FAT3: variants seen among roughly 807,000 people sequenced by gnomAD.
The protein encoded by FAT3 is FAT atypical cadherin 3.
A neutral mutation model predicts 310.2 loss-of-function variants in FAT3; 95 were observed. The ratio of observed to expected loss-of-function variants is 0.31; its 90% CI spans 0.26 to 0.36. FAT3 has a LOEUF of 0.36. FAT3 is among the 10% of genes least tolerant of loss of function. The probability of loss-of-function intolerance (pLI) is 1.00; values close to 1 mark genes in which losing one functional copy is unlikely to be tolerated. For synonymous variants in FAT3, 2,314 were observed against 2,192.9 expected, an observed-to-expected ratio of 1.06 and a Z score of -1.54; for missense variants, 5,408 against 5,715.6, an observed-to-expected ratio of 0.95 and a Z score of 1.74.
At chr11:92,255,513 A>G (rs1865284894) in intron 1 of FAT3, among the ~76,000 whole-genome samples, 1 of 152,106 alleles carries the variant, frequency 6.6e-6, no homozygotes, top group Admixed American at 6.6e-5. Context: ...ATCACTGAGG[A>G]AACAAGCAGA....
At chr11:92,716,403 A>G (rs1240629228) in intron 4 of FAT3, among the ~76,000 whole-genome samples, 1 of 152,134 alleles carries the variant, frequency 6.6e-6, no homozygotes, top group Non-Finnish European at 1.5e-5. Context: ...CGCCATCAGT[A>G]TATGAGCTGA....
intron 3 of FAT3, among the ~76,000 whole-genome samples, chr11:92,526,050 G>A (rs943277738): frequency 3.3e-5 from 5 of 152,140 alleles, no homozygotes; most frequent in South Asian, 2.1e-4. Context: ...ATCGGGATTT[G>A]ACTTGTATTT....
chr11:92,408,742 T>A (rs921166957), intron 2 of FAT3, among the ~76,000 whole-genome samples: 2 of 152,180 alleles, frequency 1.3e-5, no homozygotes, highest in African/African-American at 4.8e-5. Flanking sequence ...ATGGAACATG[T>A]GCCTATGTGA....
chr11:92,381,993 AG>A (rs1949504819), intron 2 of FAT3, among the ~76,000 whole-genome samples: 1 of 152,132 alleles, frequency 6.6e-6, no homozygotes, highest in African/African-American at 2.4e-5. Flanking sequence ...GCTGCATTAA[AG>A]TTACTTTCAG....
chr11:92,559,334 T>C (rs996255782), intron 3 of FAT3: 4 of 196,498 alleles, frequency 2.0e-5, no homozygotes, highest in African/African-American at 9.5e-5. Context: ...ACTAACCTAC[T>C]TTCTCTTTAT....
chr11:92,635,953 G>T (rs1160179038), intron 3 of FAT3, among the ~76,000 whole-genome samples: 1 of 151,828 alleles, frequency 6.6e-6, no homozygotes, highest in Non-Finnish European at 1.5e-5. Context: ...TTTTTGTTTT[G>T]TTTTGTTTTG....
chr11:92,237,522 C>G (rs1378070507), intron 1 of FAT3, among the ~76,000 whole-genome samples: 1 of 152,108 alleles, frequency 6.6e-6, no homozygotes, highest in African/African-American at 2.4e-5. Flanking sequence ...CCCCAGTATC[C>G]TAGTGAACAC....
intron 1 of FAT3, among the ~76,000 whole-genome samples, chr11:92,341,896 C>T (rs183373414): frequency 9.5e-4 from 144 of 152,308 alleles, no homozygotes; most frequent in African/African-American, 3.2e-3. Context: ...TCCCAACCTT[C>T]ATGAAGCCAG....
intron 1 of FAT3, among the ~76,000 whole-genome samples, chr11:92,350,260 G>A (rs549393277): frequency 1.2e-4 from 18 of 151,880 alleles, no homozygotes; most frequent in South Asian, 2.1e-4. Flanking sequence ...TAACAAAAAG[G>A]TTATAATAAT....
At chr11:92,850,080 A>G (rs1245186246) in intron 19 of FAT3, among the ~76,000 whole-genome samples, 2 of 152,208 alleles carry the variant, frequency 1.3e-5, no homozygotes, top group East Asian at 3.8e-4. Flanking sequence ...ATGTGTTTTT[A>G]TATAGCAGAG....
chr11:92,460,402 C>CGGG, intron 2 of FAT3, among the ~76,000 whole-genome samples: 1 of 152,278 alleles, frequency 6.6e-6, no homozygotes, highest in South Asian at 2.1e-4. Context: ...AGCTCTAACC[C>CGGG]ACAGGCGAAC....
intron 6 of FAT3, among the ~76,000 whole-genome samples, chr11:92,772,891 A>G (rs1304379658): frequency 6.6e-6 from 1 of 152,178 alleles, no homozygotes; most frequent in Non-Finnish European, 1.5e-5. Context: ...TAACTGTTAT[A>G]TAAAAGTAAT....
intron 4 of FAT3, among the ~76,000 whole-genome samples, chr11:92,703,862 A>G (rs1239544059): frequency 1.3e-5 from 2 of 152,232 alleles, no homozygotes; most frequent in Admixed American, 6.5e-5. Flanking sequence ...CAGATCAAGT[A>G]GGGAGCTACT....
intron 2 of FAT3, among the ~76,000 whole-genome samples, chr11:92,503,331 A>G (rs536052140): frequency 6.6e-6 from 1 of 152,248 alleles, no homozygotes; most frequent in Admixed American, 6.6e-5. Context: ...AGCAGCTATG[A>G]TTAGTAATAT....
intron 1 of FAT3, among the ~76,000 whole-genome samples, chr11:92,331,401 T>A (rs1281188906): frequency 6.6e-6 from 1 of 152,182 alleles, no homozygotes; most frequent in Non-Finnish European, 1.5e-5. Context: ...ATAGTTTGTT[T>A]AACAAAATAA....
chr11:92,764,741 C>G (rs1946258680), intron 5 of FAT3, 138 bp from the exon 6 acceptor site: 1 of 759,956 alleles, frequency 1.3e-6, no homozygotes. Flanking sequence ...CTTTACTCCC[C>G]AGACCTCTGC....
intron 21 of FAT3, among the ~76,000 whole-genome samples, chr11:92,862,654 A>C (rs994920585): frequency 6.6e-6 from 1 of 152,212 alleles, no homozygotes; most frequent in South Asian, 2.1e-4. Flanking sequence ...AATATAGATC[A>C]AAAGAGTAAC....
At chr11:92,686,916 G>C (rs1055011509) in intron 3 of FAT3, among the ~76,000 whole-genome samples, 2 of 152,108 alleles carry the variant, frequency 1.3e-5, no homozygotes, top group African/African-American at 4.8e-5. Flanking sequence ...GATTTCTAAG[G>C]GGAGTGCAGT....
At chr11:92,739,236 G>A (rs1007157790) in intron 4 of FAT3, among the ~76,000 whole-genome samples, 7 of 152,180 alleles carry the variant, frequency 4.6e-5, no homozygotes, top group Admixed American at 1.3e-4. Flanking sequence ...ATACATCTTT[G>A]CCAAGTAGCC....
Sources: gnomAD v4.1 joint callset for allele counts (sites outside exome capture counted in the v4.1 genomes callset) on GRCh38, gnomAD v4.1.1 for gene constraint, MANE v1.5 for transcripts, NCBI Gene and HGNC (gene_info 2026-07-23, HGNC 2026-07-21) for gene names.